ACYP2: variants seen among roughly 807,000 people sequenced by gnomAD.
The protein encoded by ACYP2 is acylphosphatase 2.
Under a neutral mutation model 11.2 loss-of-function variants are expected in ACYP2, and 12 were observed. The observed-to-expected ratio is 1.08, with a 90% CI of 0.69 to 1.74. The LOEUF is 1.74. Among genes scored for constraint, ACYP2 ranks in the 40% most tolerant of loss-of-function variants. The probability of loss-of-function intolerance (pLI) is 0.00; values close to 1 mark genes in which losing one functional copy is unlikely to be tolerated. For missense variants in ACYP2, 134 were observed against 101.9 expected (o/e 1.31, Z -1.35); for synonymous variants, 43 against 32.2 (o/e 1.33, Z -1.13).
In ACYP2 at chr2:54,197,012, C is replaced by T. The variant is rs796726928; in HGVS notation, c.404+58264C>T. ...ATAGCACAACACTGAGTTAAAACAG[C>T]ACTGTGTTAGGAGAAGGTACTAACA... On this transcript the variant is annotated intron_variant, in intron 6 of 6. Coordinates refer to ENST00000607452, the MANE Select transcript of ACYP2 (RefSeq NM_001320586.2). Among the ~76,000 whole-genome samples, 9 of 152,322 alleles carry T rather than the reference C, an allele frequency of 5.9e-5. 1 individual carries two copies. Among genetic ancestry groups the T allele is most frequent in the East Asian group, 3.8e-4 (2 of 5,196 alleles).
intron 2 of ACYP2, among the ~76,000 whole-genome samples, chr2:54,016,886 C>T (rs1270551281): frequency 1.3e-5 from 2 of 152,002 alleles, no homozygotes; most frequent in Admixed American, 6.6e-5. Flanking sequence ...CCACCACGCC[C>T]GGCTAATTTT....
intron 6 of ACYP2, among the ~76,000 whole-genome samples, chr2:54,270,695 A>G (rs914956185): frequency 7.9e-5 from 12 of 152,236 alleles, no homozygotes; most frequent in African/African-American, 2.7e-4. Context: ...TTATGATAGT[A>G]TATGTTGAAT....
intron 4 of ACYP2, among the ~76,000 whole-genome samples, chr2:54,081,003 C>A (rs761005875): frequency 1.3e-5 from 2 of 152,146 alleles, no homozygotes; most frequent in African/African-American, 4.8e-5. Context: ...TTGAGAAAAC[C>A]TCTATCATGT....
chr2:54,137,328 A>G (rs1681307499), intron 5 of ACYP2, among the ~76,000 whole-genome samples: 1 of 152,150 alleles, frequency 6.6e-6, no homozygotes, highest in Non-Finnish European at 1.5e-5. Flanking sequence ...GGTTTGTTAT[A>G]TAGGTAAACT....
rs559667112 is a variant in ACYP2, at chr2:54,005,146, T to C, written c.62+31336T>C. Among the ~76,000 whole-genome samples the C allele has an allele frequency of 7.9e-5, 12 of 152,282 alleles. 1 individual carries two copies. In the South Asian group the frequency reaches 2.5e-3, roughly 32 times the overall value. ...TCTTCAATATTATTTTATAGTTTTA[T>C]CATTTTACAGGTAGCCTGTGATACA... On this transcript the variant is annotated intron_variant, in intron 2 of 6. Transcript: ENST00000607452.
intron 6 of ACYP2, among the ~76,000 whole-genome samples, chr2:54,156,958 T>C: frequency 6.6e-6 from 1 of 152,180 alleles, no homozygotes; most frequent in East Asian, 1.9e-4. Context: ...CATGACCCAC[T>C]GTGCCTGGTC....
At chr2:54,259,082 G>A (rs558405965) in intron 6 of ACYP2, among the ~76,000 whole-genome samples, 1 of 152,266 alleles carries the variant, frequency 6.6e-6, no homozygotes, top group African/African-American at 2.4e-5. Flanking sequence ...CCCAGCATGG[G>A]GTGTAAGAGA....
chr2:54,217,624 C>T lies in ACYP2; in HGVS notation c.404+78876C>T, dbSNP rs147530698. 8.2e-3 allele frequency among the ~76,000 whole-genome samples: 1,241 copies of T among 152,236 alleles called. 18 individuals carry two copies. The highest frequency in any genetic ancestry group is 9.0e-3 in the Non-Finnish European group (611 of 68,020). ...CTGAGCTCAAGCGATCCCCCTGCCT[C>T]GGCTTCCCAAAGTACTGAGATTACA... is the stretch of plus-strand genomic sequence containing the variant. On this transcript the variant is annotated intron_variant, in intron 6 of 6. Transcript: ENST00000607452.
At chr2:54,045,681 T>C (rs1675483335) in intron 2 of ACYP2, among the ~76,000 whole-genome samples, 1 of 151,982 alleles carries the variant, frequency 6.6e-6, no homozygotes, top group Non-Finnish European at 1.5e-5. Flanking sequence ...CTGGGTGTGG[T>C]GGCAGTCGCC....
At chr2:54,095,622 C>A (rs1315736944) in intron 4 of ACYP2, among the ~76,000 whole-genome samples, 2 of 146,058 alleles carry the variant, frequency 1.4e-5, no homozygotes, top group Non-Finnish European at 3.0e-5. Context: ...CTGACCCCCC[C>A]ACCTCCCTCC....
intron 2 of ACYP2, among the ~76,000 whole-genome samples, chr2:53,976,305 T>C (rs976395972): frequency 2.0e-5 from 3 of 152,198 alleles, no homozygotes; most frequent in Admixed American, 1.3e-4. Context: ...CCTCCTGGGC[T>C]CAAGTGATTC....
intron 6 of ACYP2, among the ~76,000 whole-genome samples, chr2:54,233,506 A>C (rs1318534663): frequency 1.3e-5 from 2 of 151,964 alleles, no homozygotes; most frequent in Admixed American, 6.5e-5. Flanking sequence ...GGGTTTCACC[A>C]TTTCCTCAGG....
intron 2 of ACYP2, among the ~76,000 whole-genome samples, chr2:54,013,813 A>G (rs1440750654): frequency 6.6e-6 from 1 of 152,052 alleles, no homozygotes; most frequent in African/African-American, 2.4e-5. Context: ...AAATGAAGTG[A>G]CACACTGGGA....
intron 6 of ACYP2, among the ~76,000 whole-genome samples, chr2:54,162,928 C>T (rs1244425317): frequency 1.3e-5 from 2 of 152,122 alleles, no homozygotes; most frequent in South Asian, 2.1e-4. Context: ...GTCAAGGCTG[C>T]GGTGAATCGT....
intron 4 of ACYP2, among the ~76,000 whole-genome samples, chr2:54,098,530 G>A (rs545677827): frequency 1.3e-5 from 2 of 152,014 alleles, no homozygotes; most frequent in African/African-American, 4.8e-5. Flanking sequence ...TTGTTCTCCC[G>A]AGGCAACTTC....
chr2:53,995,668 G>C (rs1252957197), intron 2 of ACYP2, among the ~76,000 whole-genome samples: 2 of 151,668 alleles, frequency 1.3e-5, no homozygotes, highest in Non-Finnish European at 2.9e-5. Context: ...GGCCAGGCTG[G>C]TCTCAAACTC....
intron 6 of ACYP2, among the ~76,000 whole-genome samples, chr2:54,200,247 G>GT (rs979006165): frequency 2.6e-4 from 39 of 152,234 alleles, no homozygotes; most frequent in African/African-American, 8.2e-4. Context: ...ATGGTTTTGT[G>GT]TGGGTGTATG....
At position 54,163,210 on chromosome 2, in the gene ACYP2, A is replaced by G. The variant is rs551244745; in HGVS notation, c.404+24462A>G. 2.6e-5 allele frequency among the ~76,000 whole-genome samples: 4 copies of G among 152,352 alleles called. No individual in the cohort carries two copies. In the South Asian group the frequency reaches 8.3e-4, roughly 32 times the overall value. On this transcript the variant is annotated intron_variant, in intron 6 of 6. Coordinates refer to ENST00000607452, the MANE Select transcript of ACYP2 (RefSeq NM_001320586.2). The stretch of plus-strand genomic sequence containing the variant: ...GCCAAATAGCACATAGTAAGGCCAT[A>G]ACCATGCCTGCATGTGAGTTATCTG...
intron 5 of ACYP2, 29 bp downstream of exon 2, chr2:54,135,498 C>G: frequency 6.3e-7 from 1 of 1,596,136 alleles, no homozygotes; most frequent in East Asian, 2.2e-5. Flanking sequence ...TATTATTTTG[C>G]TATTTTTTTT....
Sources: allele counts gnomAD v4.1 joint callset (sites outside exome capture counted in the v4.1 genomes callset), GRCh38; gene constraint gnomAD v4.1.1; transcripts MANE v1.5; gene names NCBI Gene and HGNC (gene_info 2026-07-23, HGNC 2026-07-21).